EIPR1: variants seen among roughly 807,000 people sequenced by gnomAD.
EIPR1 encodes EARP complex and GARP complex interacting protein 1.
EIPR1 carries 25 observed loss-of-function variants against 48.1 expected under a neutral mutation model. The ratio of observed to expected loss-of-function variants is 0.52; its 90% CI spans 0.38 to 0.73. EIPR1 has a LOEUF of 0.73. Among genes scored for constraint, EIPR1 ranks in the 30% least tolerant of loss-of-function variants. EIPR1 has a pLI of 0.00. For missense variants in EIPR1, 415 were observed against 506.2 expected (o/e 0.82, Z 1.73); for synonymous variants, 204 against 201.9 (o/e 1.01, Z -0.09).
chr2:3,310,613 A>G (rs948843308), intron 3 of EIPR1, among the ~76,000 whole-genome samples: 3 of 144,152 alleles, frequency 2.1e-5, no homozygotes, highest in Non-Finnish European at 4.5e-5. Flanking sequence ...AGATCCCGCC[A>G]CTGCACTCCA....
intron 4 of EIPR1, among the ~76,000 whole-genome samples, chr2:3,225,411 A>T (rs1199927982): frequency 6.6e-6 from 1 of 151,944 alleles, no homozygotes; most frequent in Non-Finnish European, 1.5e-5. Context: ...CTACTTGGTT[A>T]ATTTTTAAAT....
chr2:3,371,330 T>C (rs1000391915), intron 1 of EIPR1, among the ~76,000 whole-genome samples: 3 of 152,108 alleles, frequency 2.0e-5, no homozygotes, highest in African/African-American at 7.2e-5. Context: ...CTGCATCAAC[T>C]AACAAGCAAA....
chr2:3,260,617 T>A (rs558810911), intron 3 of EIPR1, among the ~76,000 whole-genome samples: 1 of 152,094 alleles, frequency 6.6e-6, no homozygotes, highest in Non-Finnish European at 1.5e-5. Flanking sequence ...TTATAATACA[T>A]ATATCTGACA....
At chr2:3,364,640 A>G (rs1670931948) in intron 1 of EIPR1, among the ~76,000 whole-genome samples, 1 of 151,108 alleles carries the variant, frequency 6.6e-6, no homozygotes, top group African/African-American at 2.4e-5. Flanking sequence ...CCCTGTCTCA[A>G]AAAAAAAAGA....
intron 4 of EIPR1, among the ~76,000 whole-genome samples, chr2:3,248,708 T>C (rs938684287): frequency 1.3e-5 from 2 of 152,074 alleles, no homozygotes; most frequent in Non-Finnish European, 1.5e-5. Flanking sequence ...GAGGCAGAGG[T>C]TGCAGTGAGC....
chr2:3,214,149 C>T lies in EIPR1; in HGVS notation c.516G>A (p.Val172=). Residue 172 remains valine, a splice_region_variant and synonymous_variant, in exon 5 of 9, where the codon GTG becomes GTA. Coordinates refer to ENST00000382125, the MANE Select transcript of EIPR1 (RefSeq NM_003310.5). Reference sequence around the variant, plus strand: ...ACGCTGTGTTGTTGCTTTTACTTACCACAGCCTGGCTCGAGCTTTCCTGTA... The same window carrying T: ...ACGCTGTGTTGTTGCTTTTACTTACTACAGCCTGGCTCGAGCTTTCCTGTA... ...WDLQESSSQA[V]LASSASLEGK... 1 of 1,612,728 alleles carries T rather than the reference C, an allele frequency of 6.2e-7. No individual in the cohort carries two copies. The highest frequency in any genetic ancestry group is 1.1e-5 in the South Asian group (1 of 90,848).
chr2:3,213,804 C>G (rs1178320824), intron 5 of EIPR1, among the ~76,000 whole-genome samples: 14 of 152,196 alleles, frequency 9.2e-5, no homozygotes, highest in African/African-American at 3.4e-4. Context: ...TGTTGTGAAT[C>G]AAGAATTACA....
intron 3 of EIPR1, among the ~76,000 whole-genome samples, chr2:3,290,491 TGAA>T (rs543351174): frequency 6.6e-4 from 101 of 152,330 alleles, no homozygotes; most frequent in Non-Finnish European, 1.3e-3. Context: ...ATCTTCTCCC[TGAA>T]GAAGTGGTGG....
At chr2:3,305,015 C>T (rs1454078094) in intron 3 of EIPR1, among the ~76,000 whole-genome samples, 5 of 114,870 alleles carry the variant, frequency 4.4e-5, no homozygotes, top group East Asian at 2.6e-4. Context: ...CAGTTCAACC[C>T]TCCACTCCTG....
intron 3 of EIPR1, among the ~76,000 whole-genome samples, chr2:3,288,368 A>T (rs1668269829): frequency 1.3e-5 from 2 of 152,242 alleles, no homozygotes; most frequent in Admixed American, 1.3e-4. Flanking sequence ...AAGTTCTTCG[A>T]AAGTGACCAC....
intron 1 of EIPR1, among the ~76,000 whole-genome samples, chr2:3,354,907 AAATT>A (rs1388715307): frequency 2.0e-5 from 3 of 152,250 alleles, no homozygotes; most frequent in African/African-American, 7.2e-5. Context: ...ATCAATGTTT[AAATT>A]AATTTTTAGT....
intron 3 of EIPR1, among the ~76,000 whole-genome samples, chr2:3,282,299 C>A (rs187337071): frequency 2.0e-5 from 3 of 152,346 alleles, no homozygotes; most frequent in Admixed American, 2.0e-4. Flanking sequence ...ACATGGCTAG[C>A]AGCTGCCCTG....
chr2:3,207,222 C>T (rs192235187), intron 5 of EIPR1, among the ~76,000 whole-genome samples: 1 of 152,220 alleles, frequency 6.6e-6, no homozygotes, highest in Non-Finnish European at 1.5e-5. Context: ...GAACGCTGCT[C>T]TCCTGTAACC....
intron 2 of EIPR1, 21 bp from the exon 3 acceptor site, chr2:3,338,170 C>G (rs1670125818): frequency 1.9e-6 from 3 of 1,607,794 alleles, no homozygotes; most frequent in Non-Finnish European, 1.7e-6. Flanking sequence ...AAGAAAAGAG[C>G]ACATCAGGAT....
chr2:3,346,940 C>G (rs564193334), intron 2 of EIPR1, among the ~76,000 whole-genome samples: 131 of 152,298 alleles, frequency 8.6e-4, no homozygotes, highest in Middle Eastern at 3.4e-3. Flanking sequence ...GGAGGCAGGG[C>G]CTGGTTAGGA....
At chr2:3,341,158 G>T (rs1432218933) in intron 2 of EIPR1, among the ~76,000 whole-genome samples, 1 of 147,276 alleles carries the variant, frequency 6.8e-6, no homozygotes, top group African/African-American at 2.5e-5. Context: ...TAAATCAGTT[G>T]TGGTATATTC....
chr2:3,314,261 T>A (rs1042118497), intron 3 of EIPR1, among the ~76,000 whole-genome samples: 1 of 152,154 alleles, frequency 6.6e-6, no homozygotes, highest in South Asian at 2.1e-4. Context: ...AGGCAGGAGA[T>A]TGATTCCGGC....
chr2:3,196,191 C>G (rs899270981), intron 6 of EIPR1, among the ~76,000 whole-genome samples: 3 of 152,168 alleles, frequency 2.0e-5, no homozygotes, highest in Admixed American at 1.3e-4. Context: ...GGAACTAAAC[C>G]TAAAGTTGTG....
chr2:3,199,464 T>C (rs1296714458), intron 5 of EIPR1, among the ~76,000 whole-genome samples: 1 of 152,226 alleles, frequency 6.6e-6, no homozygotes, highest in African/African-American at 2.4e-5. Flanking sequence ...CTTCACAATT[T>C]ATGTTCTTCT....
Sources: gnomAD v4.1 joint callset for allele counts (sites outside exome capture counted in the v4.1 genomes callset) on GRCh38, gnomAD v4.1.1 for gene constraint, MANE v1.5 for transcripts, NCBI Gene and HGNC (gene_info 2026-07-23, HGNC 2026-07-21) for gene names.